Variants in SATL1 observed in about 807,000 individuals in gnomAD.
SATL1 encodes spermidine/spermine N(1)-acetyltransferase-like protein 1.
SATL1 carries 47 observed loss-of-function variants against 51.8 expected under a neutral mutation model. That is an observed-to-expected ratio of 0.91 (90% confidence interval 0.72 to 1.16). The LOEUF (loss-of-function observed/expected upper bound fraction) is 1.16, where lower values mean the gene tolerates loss of function less well. Ranked by LOEUF, SATL1 falls within the 50% of genes most tolerant of loss-of-function variation. SATL1 has a pLI of 0.00. For synonymous variants in SATL1, 176 were observed against 182.4 expected (o/e 0.97, Z 0.28); for missense variants, 520 against 526.4 (o/e 0.99, Z 0.12).
At chrX:85,138,941 G>A (rs1926036486) in intron 2 of SATL1, among the ~76,000 whole-genome samples, 1 of 111,584 alleles carries the variant, frequency 9.0e-6, no homozygotes, top group Admixed American at 9.5e-5. Flanking sequence ...AATGAGATGG[G>A]AGCCAATGTA....
intron 4 of SATL1, among the ~76,000 whole-genome samples, chrX:85,099,643 A>G (rs903349969): frequency 1.8e-5 from 2 of 111,620 alleles, no homozygotes; most frequent in Non-Finnish European, 3.8e-5. Flanking sequence ...AGGGGGAAAA[A>G]CCCACATAAT....
chrX:85,148,618 C>T (rs371810713), intron 2 of SATL1, among the ~76,000 whole-genome samples: 9 of 111,609 alleles, frequency 8.1e-5, no homozygotes, highest in African/African-American at 1.3e-4. Context: ...GCGGATCTCT[C>T]GGCAAAAACT....
At chrX:85,146,478 C>T (rs1377317338) in intron 2 of SATL1, among the ~76,000 whole-genome samples, 5 of 111,041 alleles carry the variant, frequency 4.5e-5, no homozygotes, top group Non-Finnish European at 7.5e-5. Flanking sequence ...TATGTGCCCA[C>T]AAAAATTAAA....
chrX:85,220,687 A>C (rs964529330), intron 2 of SATL1, among the ~76,000 whole-genome samples: 2 of 91,903 alleles, frequency 2.2e-5, no homozygotes, highest in African/African-American at 4.4e-5. Flanking sequence ...AAAAAAAAAA[A>C]CTCTCCTGGA....
At chrX:85,171,231 A>G (rs758882684) in intron 2 of SATL1, among the ~76,000 whole-genome samples, 2 of 111,286 alleles carry the variant, frequency 1.8e-5, no homozygotes, top group Non-Finnish European at 3.8e-5. Context: ...TAGGCGCCCT[A>G]GTGATCTAGT....
At chrX:85,215,008 G>A (rs895407265) in intron 2 of SATL1, among the ~76,000 whole-genome samples, 2 of 111,863 alleles carry the variant, frequency 1.8e-5, no homozygotes, top group Non-Finnish European at 3.8e-5. Flanking sequence ...ACTTCCAGGG[G>A]CTCTATAATT....
At position 85,109,291 on chromosome X, in the gene SATL1, G is replaced by C. The variant is rs1258338726; in HGVS notation, c.-312-11C>G. On this transcript the variant is annotated splice_polypyrimidine_tract_variant and intron_variant, in intron 2 of 7. Coordinates refer to ENST00000644105, the MANE Select transcript of SATL1 (RefSeq NM_001367857.2). ...TCATCTGGCCTTTCCCTGCCAAAAGGGGGGAAGTAAAGGGAAGACGAAAAT... is the reference window on the plus strand; with the variant it reads ...TCATCTGGCCTTTCCCTGCCAAAAGCGGGGAAGTAAAGGGAAGACGAAAAT... 1.6e-5 allele frequency: 5 copies of C among 314,746 alleles called. No homozygotes were observed. Among genetic ancestry groups the C allele is most frequent in the Admixed American group, 5.3e-5 (1 of 18,756 alleles). 25.9% of individuals were successfully genotyped at this position (314,746 alleles called of 1,213,427 possible).
chrX:85,162,278 AGC>A (rs1315401356), intron 2 of SATL1, among the ~76,000 whole-genome samples: 1 of 111,483 alleles, frequency 9.0e-6, no homozygotes. Flanking sequence ...CCAACCCCAA[AGC>A]TAGCAGAAAA....
At chrX:85,159,942 G>A (rs902180696) in intron 2 of SATL1, among the ~76,000 whole-genome samples, 4 of 111,503 alleles carry the variant, frequency 3.6e-5, no homozygotes, top group Non-Finnish European at 5.6e-5. Context: ...GGCGTTCTGG[G>A]ACCAGCAGGT....
At chrX:85,132,048 G>C (rs1925820812) in intron 2 of SATL1, among the ~76,000 whole-genome samples, 1 of 110,881 alleles carries the variant, frequency 9.0e-6, no homozygotes, top group African/African-American at 3.3e-5. Context: ...CCCTTTGTGG[G>C]TAACCTGACT....
At chrX:85,187,065 G>A (rs1927328105) in intron 2 of SATL1, among the ~76,000 whole-genome samples, 1 of 111,975 alleles carries the variant, frequency 8.9e-6, no homozygotes, top group African/African-American at 3.2e-5. Context: ...GCGTTTTGTA[G>A]TTTTGATTTA....
At chrX:85,136,878 T>G (rs1448944905) in intron 2 of SATL1, among the ~76,000 whole-genome samples, 2 of 111,824 alleles carry the variant, frequency 1.8e-5, no homozygotes, top group East Asian at 5.6e-4. Context: ...TGAGTGATTA[T>G]TACTCTTCCA....
At chrX:85,240,982 C>T (rs1400529886) in intron 1 of SATL1, among the ~76,000 whole-genome samples, 1 of 108,850 alleles carries the variant, frequency 9.2e-6, no homozygotes, top group Non-Finnish European at 1.9e-5. Flanking sequence ...CACAATATGT[C>T]ACAATCTCAT....
intron 2 of SATL1, among the ~76,000 whole-genome samples, chrX:85,140,565 G>T (rs962843054): frequency 5.4e-5 from 6 of 111,890 alleles, no homozygotes; most frequent in Non-Finnish European, 1.1e-4. Flanking sequence ...GTTATTATAA[G>T]ATTAGTTTTA....
At chrX:85,142,169 G>C (rs1439512603) in intron 2 of SATL1, among the ~76,000 whole-genome samples, 1 of 107,021 alleles carries the variant, frequency 9.3e-6, no homozygotes, top group East Asian at 3.0e-4. Context: ...GGCTGAGGCG[G>C]GTGGAACACG....
chrX:85,098,835 TA>T (rs890622249), intron 4 of SATL1, among the ~76,000 whole-genome samples: 4 of 111,722 alleles, frequency 3.6e-5, no homozygotes, highest in African/African-American at 9.7e-5. Context: ...ATTATAGCTG[TA>T]AATGCCATTT....
intron 3 of SATL1, among the ~76,000 whole-genome samples, chrX:85,104,499 G>A (rs1373413286): frequency 9.0e-6 from 1 of 111,109 alleles, no homozygotes; most frequent in African/African-American, 3.3e-5. Flanking sequence ...TAAGAAGTTA[G>A]GTACAATTTC....
intron 2 of SATL1, among the ~76,000 whole-genome samples, chrX:85,190,558 C>G (rs1223372985): frequency 9.0e-6 from 1 of 111,248 alleles, no homozygotes; most frequent in Non-Finnish European, 1.9e-5. Context: ...AAAAGATATA[C>G]TAGATGTTAA....
At chrX:85,216,416 C>T (rs1023385068) in intron 2 of SATL1, among the ~76,000 whole-genome samples, 1 of 111,007 alleles carries the variant, frequency 9.0e-6, no homozygotes, top group African/African-American at 3.3e-5. Flanking sequence ...ATGCTGTGAT[C>T]AAGGTGTCAA....
Sources: allele counts gnomAD v4.1 joint callset (sites outside exome capture counted in the v4.1 genomes callset), GRCh38; gene constraint gnomAD v4.1.1; transcripts MANE v1.5; gene names NCBI Gene and HGNC (gene_info 2026-07-23, HGNC 2026-07-21).